THTPA: variants seen among roughly 807,000 people sequenced by gnomAD.
THTPA encodes thiamine-triphosphatase.
THTPA carries 16 observed loss-of-function variants against 16.5 expected under a neutral mutation model. That is an observed-to-expected ratio of 0.97 (90% CI 0.66 to 1.47). THTPA has a LOEUF of 1.47. Ranked by LOEUF, THTPA falls within the 40% of genes most tolerant of loss-of-function variation. The probability of loss-of-function intolerance (pLI) is 0.00; values close to 1 mark genes in which losing one functional copy is unlikely to be tolerated. For synonymous variants in THTPA, 110 were observed against 115.5 expected (o/e 0.95, Z 0.30); for missense variants, 281 against 280.9 (o/e 1.00, Z 0.00).
chr14:23,523,968 G>T, the THTPA span: 2 of 1,532,172 alleles, frequency 1.3e-6, no homozygotes, highest in East Asian at 4.9e-5. This position sits in a 1 kb window ranked among gnomAD's most constrained non-coding sequence, Gnocchi z 4.1. Context: ...GGTGGCTCTG[G>T]TGTTGGGGTG....
the THTPA span, among the ~76,000 whole-genome samples, chr14:23,545,938 C>T: frequency 2.0e-5 from 3 of 152,222 alleles, no homozygotes; most frequent in African/African-American, 7.2e-5. Context: ...ACTCTTGGCC[C>T]ACCCTCTGCC....
the THTPA span, among the ~76,000 whole-genome samples, chr14:23,519,912 A>G: frequency 6.6e-6 from 1 of 152,216 alleles, no homozygotes; most frequent in Admixed American, 6.5e-5. Context: ...TGGAAGGAGA[A>G]CACCTTGAAA....
chr14:23,534,618 G>A, the THTPA span: 4 of 1,536,052 alleles, frequency 2.6e-6, no homozygotes, highest in African/African-American at 5.5e-5. The surrounding 1 kb of genome is among the most constrained non-coding windows in gnomAD (Gnocchi z 4.5). Flanking sequence ...GGCAGAGCCA[G>A]AAGACCGCCA....
At chr14:23,535,088 G>T in the THTPA span, 1 of 1,536,208 alleles carries the variant, frequency 6.5e-7, no homozygotes, top group Non-Finnish European at 8.7e-7. This position sits in a 1 kb window ranked among gnomAD's most constrained non-coding sequence, Gnocchi z 4.5. Flanking sequence ...CCACAGTCAG[G>T]CCCTTCCTGG....
At chr14:23,558,521 T>C (rs1882827203) in intron 1 of THTPA, among the ~76,000 whole-genome samples, 174 bp from the exon 2 acceptor site, 3 of 152,206 alleles carry the variant, frequency 2.0e-5, no homozygotes, top group Non-Finnish European at 4.4e-5. Context: ...TAGGTCCCAC[T>C]TCCACAGGCA....
At chr14:23,524,633 G>A in the THTPA span, 9 of 1,536,452 alleles carry the variant, frequency 5.9e-6, no homozygotes, top group Middle Eastern at 5.0e-4. This position sits in a 1 kb window ranked among gnomAD's most constrained non-coding sequence, Gnocchi z 5.6. Flanking sequence ...CTGGTCACAG[G>A]TATGGGCTGG....
At chr14:23,539,908 G>A in the THTPA span, among the ~76,000 whole-genome samples, 1 of 152,184 alleles carries the variant, frequency 6.6e-6, no homozygotes, top group Non-Finnish European at 1.5e-5. Flanking sequence ...CCAACTCCAT[G>A]GCAAAGTCTT....
chr14:23,534,790 T>G, the THTPA span: 1 of 1,536,096 alleles, frequency 6.5e-7, no homozygotes, highest in Non-Finnish European at 8.7e-7. The surrounding 1 kb of genome is among the most constrained non-coding windows in gnomAD (Gnocchi z 4.5). Flanking sequence ...GCTAAAGCCT[T>G]GGATTGGGTC....
In THTPA at chr14:23,557,277, A is replaced by C. The variant is rs376162142; in HGVS notation, c.520A>C (p.Lys174Gln). ...GGCTGAAGTACCAACTGCCCTAGAG[A>C]AGATCCACAGGCTCAGCAGCATGCT... The part of the protein sequence containing the change: ...EEAEVPTALE[K>Q]IHRLSSMLGV... Residue 174 changes from lysine to glutamine, a missense_variant, in exon 1 of 2, where the codon AAG becomes CAG. Transcript: ENST00000288014. 9.8e-5 allele frequency: 157 copies of C among 1,606,672 alleles called. No individual in the cohort carries two copies. Among genetic ancestry groups the C allele is most frequent in the Non-Finnish European group, 1.2e-4 (144 of 1,178,878 alleles).
the THTPA span, among the ~76,000 whole-genome samples, chr14:23,517,916 G>C: frequency 6.6e-6 from 1 of 152,144 alleles, no homozygotes; most frequent in Non-Finnish European, 1.5e-5. Flanking sequence ...TCAACATTTG[G>C]TCACTCTTCC....
the THTPA span, chr14:23,523,401 G>C: frequency 6.6e-7 from 1 of 1,519,632 alleles, no homozygotes; most frequent in South Asian, 1.2e-5. This position sits in a 1 kb window ranked among gnomAD's most constrained non-coding sequence, Gnocchi z 4.1. Flanking sequence ...CTCTTCAGCT[G>C]GGCTCGAACC....
the THTPA span, chr14:23,521,593 G>T: frequency 1.4e-5 from 3 of 216,736 alleles, no homozygotes; most frequent in Non-Finnish European, 2.7e-5. Flanking sequence ...CATTTATGGG[G>T]ATGGGGAGCT....
chr14:23,532,801 G>A, the THTPA span: 2 of 1,536,448 alleles, frequency 1.3e-6, no homozygotes, highest in Non-Finnish European at 1.7e-6. Context: ...TCTTGAGGTG[G>A]AGTTGGAAGT....
the THTPA span, chr14:23,530,786 A>T: frequency 1.4e-5 from 4 of 283,438 alleles, no homozygotes; most frequent in Non-Finnish European, 2.7e-5. Flanking sequence ...TTGGCAATTC[A>T]ATTAGCACCA....
chr14:23,559,041 T>C lies in THTPA; in HGVS notation c.*201T>C. On this transcript the variant is annotated 3_prime_UTR_variant, in exon 2 of 2. Transcript: ENST00000288014. ...TCTCGCTCATCCGTCAGATGCAATCTGTGGGCCGCCCCTCTCCCCTGGCCG... is the reference window on the plus strand; with the variant it reads ...TCTCGCTCATCCGTCAGATGCAATCCGTGGGCCGCCCCTCTCCCCTGGCCG... The C allele has an allele frequency of 1.6e-6, 1 of 627,462 alleles. No individual in the cohort carries two copies. The highest frequency in any genetic ancestry group is 2.7e-6 in the Non-Finnish European group (1 of 369,742). 38.9% of individuals were successfully genotyped at this position (627,462 alleles called of 1,614,324 possible).
In THTPA at chr14:23,556,743, C is replaced by A; in HGVS notation, c.-15C>A. 6.2e-7 allele frequency: 1 copy of A among 1,607,666 alleles called. No individual in the cohort carries two copies. On this transcript the variant is annotated 5_prime_UTR_variant, in exon 1 of 2. Coordinates refer to ENST00000288014, the MANE Select transcript of THTPA (RefSeq NM_024328.6). The stretch of plus-strand genomic sequence containing the variant: ...GGGAACTCAGCAAACGTTTGTTCAG[C>A]CAATTGCAGGTAGCATGGCCCAGGG...
At chr14:23,539,141 G>C in the THTPA span, among the ~76,000 whole-genome samples, 1 of 152,144 alleles carries the variant, frequency 6.6e-6, no homozygotes, top group Admixed American at 6.5e-5. Flanking sequence ...GCACTGTTTC[G>C]TCACAAGGCT....
the THTPA span, among the ~76,000 whole-genome samples, chr14:23,515,951 A>AT: frequency 6.6e-6 from 1 of 152,102 alleles, no homozygotes; most frequent in Non-Finnish European, 1.5e-5. Flanking sequence ...AGTTTCCAGT[A>AT]TGTTGGGGGT....
At chr14:23,524,959 TGGCATGGACCCACCCTCACA>T in the THTPA span, 1 of 1,536,242 alleles carries the variant, frequency 6.5e-7, no homozygotes, top group Non-Finnish European at 8.7e-7. This position sits in a 1 kb window ranked among gnomAD's most constrained non-coding sequence, Gnocchi z 5.6. Context: ...CTCCTCCGGT[TGGCATGGACCCACCCTCACA>T]GGCATTTTTG....
Sources: gnomAD v4.1 joint callset for allele counts (sites outside exome capture counted in the v4.1 genomes callset) on GRCh38, gnomAD v4.1.1 for gene constraint, Gnocchi (gnomAD v3.1) non-coding constraint, MANE v1.5 for transcripts, NCBI Gene and HGNC (gene_info 2026-07-23, HGNC 2026-07-21) for gene names.